Variants in GSN observed in about 807,000 individuals in gnomAD.
GSN encodes actin-depolymerizing factor.
Under a neutral mutation model 85.7 loss-of-function variants are expected in GSN, and 56 were observed. That is an observed-to-expected ratio of 0.65 (90% CI 0.53 to 0.82). The LOEUF (loss-of-function observed/expected upper bound fraction) is 0.82. GSN is among the 40% of genes least tolerant of loss of function. The pLI, the probability that GSN is intolerant of heterozygous loss-of-function variation, is 0.00. For missense variants in GSN, 857 were observed against 979.8 expected (o/e 0.87, Z 1.67); for synonymous variants, 373 against 399.1 (o/e 0.93, Z 0.78).
chr9:121,238,855 C>T (rs970081250), intron 5 of GSN: 1 of 529,890 alleles, frequency 1.9e-6, no homozygotes, highest in Non-Finnish European at 3.9e-6. Context: ...GCAATCATGG[C>T]TTGTACATCC....
At chr9:121,218,067 A>G (rs2054100703) in intron 4 of GSN, among the ~76,000 whole-genome samples, 1 of 152,050 alleles carries the variant, frequency 6.6e-6, no homozygotes. Context: ...TCATGCCCTG[A>G]CTCACAGTTT....
chr9:121,252,106 A>C (rs966838188), intron 6 of GSN, among the ~76,000 whole-genome samples: 2 of 152,230 alleles, frequency 1.3e-5, no homozygotes, highest in Non-Finnish European at 2.9e-5. Flanking sequence ...AGTCCCATAG[A>C]ACTTAAGTGT....
intron 11 of GSN, among the ~76,000 whole-genome samples, chr9:121,323,652 G>A (rs1045298155): frequency 6.6e-6 from 1 of 152,198 alleles, no homozygotes. Context: ...TGACAGGCAT[G>A]AGCCATCGTG....
chr9:121,236,800 AC>A (rs2054503640), intron 5 of GSN, among the ~76,000 whole-genome samples: 2 of 152,184 alleles, frequency 1.3e-5, no homozygotes, highest in African/African-American at 4.8e-5. Flanking sequence ...CCACAACATT[AC>A]CCTGAAAAGG....
chr9:121,312,416 G>T lies in GSN; in HGVS notation c.591G>T (p.Arg197=). 4 of 1,614,152 alleles carry T rather than the reference G, an allele frequency of 2.5e-6. No homozygotes were observed. The highest frequency in any genetic ancestry group is 3.4e-6 in the Non-Finnish European group (4 of 1,180,006). The change falls in exon 6 of 18, where the codon CGG becomes CGT. Residue 197 remains arginine, a synonymous_variant. Coordinates refer to ENST00000432226, the MANE Select transcript of GSN (RefSeq NM_198252.3). ...CCACACAGGTGTCCAAGGGCATCCG[G>T]GACAACGAGCGGAGTGGCCGGGCCC... The part of the protein sequence containing the change: ...LKATQVSKGI[R]DNERSGRARV...
chr9:121,315,063 G>T (rs1403717762), intron 7 of GSN, among the ~76,000 whole-genome samples: 3 of 152,108 alleles, frequency 2.0e-5, no homozygotes, highest in African/African-American at 7.2e-5. Flanking sequence ...GTTTTGCCAT[G>T]TTGCCCAGGC....
intron 5 of GSN, among the ~76,000 whole-genome samples, chr9:121,235,607 T>C (rs982231892): frequency 6.6e-6 from 1 of 152,188 alleles, no homozygotes; most frequent in Non-Finnish European, 1.5e-5. Context: ...GCAGCTTTGG[T>C]TCTTTGTCGC....
At chr9:121,300,170 G>T (rs907649051) in intron 2 of GSN, 2 of 1,416,852 alleles carry the variant, frequency 1.4e-6, no homozygotes, top group Non-Finnish European at 2.0e-6. Context: ...TCGCAGACGA[G>T]GGTGGGAGCC....
Position 121,325,961 on chromosome 9 carries a change from C to T in GSN, c.1417-551C>T, listed in dbSNP as rs147969282. 1.2e-4 allele frequency among the ~76,000 whole-genome samples: 18 copies of T among 151,994 alleles called. No homozygotes were observed. The East Asian group carries it at 3.1e-3, about 26-fold the overall frequency. ...CGTACATGTGAGGTTTTCTTCTGGA[C>T]ATAGTTAGCCGGGGCCACGGTAAGG... On this transcript the variant is annotated intron_variant, in intron 12 of 17. Transcript: ENST00000432226.
intron 2 of GSN, chr9:121,282,174 G>A: frequency 2.0e-6 from 1 of 501,784 alleles, no homozygotes; most frequent in Admixed American, 3.3e-5. Context: ...CAGGAGACTG[G>A]CTCACCTCCC....
At chr9:121,215,219 C>G (rs1341431390) in intron 4 of GSN, among the ~76,000 whole-genome samples, 2 of 149,606 alleles carry the variant, frequency 1.3e-5, no homozygotes, top group African/African-American at 2.5e-5. Flanking sequence ...TTAAGGACCC[C>G]CCCCCCCACA....
chr9:121,242,201 G>A (rs1430992811), intron 5 of GSN, among the ~76,000 whole-genome samples: 2 of 152,138 alleles, frequency 1.3e-5, no homozygotes, highest in Non-Finnish European at 2.9e-5. Context: ...CAATAAATGA[G>A]CATTGTAAAT....
intron 4 of GSN, among the ~76,000 whole-genome samples, chr9:121,226,109 T>C (rs890062919): frequency 6.6e-6 from 1 of 152,220 alleles, no homozygotes; most frequent in Non-Finnish European, 1.5e-5. Context: ...CGGCAGAGCC[T>C]GGCACTTATT....
intron 1 of GSN, among the ~76,000 whole-genome samples, chr9:121,276,426 A>C (rs1430099385): frequency 6.6e-6 from 1 of 152,208 alleles, no homozygotes; most frequent in Non-Finnish European, 1.5e-5. Context: ...GCATGGCTAG[A>C]GCCCACGCCA....
At chr9:121,213,322 T>G (rs1220459687) in intron 4 of GSN, among the ~76,000 whole-genome samples, 1 of 152,186 alleles carries the variant, frequency 6.6e-6, no homozygotes, top group Non-Finnish European at 1.5e-5. Flanking sequence ...ACTTCCGGCT[T>G]CCTGTATCCC....
Position 121,321,329 on chromosome 9 carries a change from A to T in GSN, c.1253A>T (p.Tyr418Phe). The change falls in exon 11 of 18, where the codon TAT becomes TTT. Residue 418 changes from tyrosine (Y) to phenylalanine (F), a missense_variant. Coordinates refer to ENST00000432226, the MANE Select transcript of GSN (RefSeq NM_198252.3). Reference sequence around the variant, plus strand: ...GACCCTGCCACATATGGACAGTTCTATGGAGGCGACAGCTACATCATTCTG... The same window carrying T: ...GACCCTGCCACATATGGACAGTTCTTTGGAGGCGACAGCTACATCATTCTG... ...PVDPATYGQF[Y>F]GGDSYIILYN... 1 of 1,613,834 alleles carries T rather than the reference A, an allele frequency of 6.2e-7. No individual in the cohort carries two copies. The highest frequency in any genetic ancestry group is 1.3e-5 in the African/African-American group (1 of 75,028).
chr9:121,328,594 C>T (rs1192008593), intron 14 of GSN, among the ~76,000 whole-genome samples: 1 of 152,208 alleles, frequency 6.6e-6, no homozygotes, highest in East Asian at 1.9e-4. Flanking sequence ...CGAGCCACAA[C>T]TGCCTCATTA....
At chr9:121,230,835 G>GA (rs1269489157) in intron 4 of GSN, among the ~76,000 whole-genome samples, 47 of 152,134 alleles carry the variant, frequency 3.1e-4, no homozygotes, top group Admixed American at 2.9e-3. Flanking sequence ...TAATGTGATA[G>GA]AAAAAACAAT....
chr9:121,203,656 A>G (rs759830951), upstream of GSN, among the ~76,000 whole-genome samples: 1 of 152,222 alleles, frequency 6.6e-6, no homozygotes, highest in Non-Finnish European at 1.5e-5. Flanking sequence ...TGTACATCTC[A>G]TATTTTCAGA....
Sources: gnomAD v4.1 joint callset for allele counts (sites outside exome capture counted in the v4.1 genomes callset) on GRCh38, gnomAD v4.1.1 for gene constraint, MANE v1.5 for transcripts, NCBI Gene and HGNC (gene_info 2026-07-23, HGNC 2026-07-21) for gene names.